Variants in CCNH observed in about 807,000 individuals in gnomAD.
CCNH encodes the protein cyclin-H.
CCNH carries 31 observed loss-of-function variants against 41.9 expected under a neutral mutation model. That is an observed-to-expected ratio of 0.74 (90% CI 0.56 to 1.00). The LOEUF is 1.00. Ranked by LOEUF, CCNH falls within the 50% of genes least tolerant of loss-of-function variation. The probability of loss-of-function intolerance (pLI) is 0.00; values close to 1 mark genes in which losing one functional copy is unlikely to be tolerated. For missense variants in CCNH, 362 were observed against 388.4 expected (o/e 0.93, Z 0.57); for synonymous variants, 138 against 136.1 (o/e 1.01, Z -0.10).
chr5:87,408,288 T>C (rs1040598211), intron 3 of CCNH, 102 bp from the exon 4 acceptor site: 6 of 563,440 alleles, frequency 1.1e-5, no homozygotes, highest in African/African-American at 5.7e-5. Context: ...TAAAAGTATA[T>C]TCTATAATTG....
At chr5:87,388,378 A>G (rs1463641559), downstream of CCNH, among the ~76,000 whole-genome samples, 2 of 152,214 alleles carry the variant, frequency 1.3e-5, no homozygotes, top group African/African-American at 2.4e-5. Context: ...ACTGGCATTT[A>G]GTGTCGATAA....
At chr5:87,386,793 T>C (rs1300670161), downstream of CCNH, 5 of 1,579,220 alleles carry the variant, frequency 3.2e-6, no homozygotes, top group African/African-American at 6.7e-5. Context: ...GGTTTGTTTC[T>C]GGTGCATATA....
At chr5:87,330,649 A>T (rs1465834454) in intron 9 of CCNH, among the ~76,000 whole-genome samples, 1 of 152,218 alleles carries the variant, frequency 6.6e-6, no homozygotes, top group African/African-American at 2.4e-5. Context: ...CAGTTTCTTA[A>T]GTAGATCATT....
At chr5:87,374,438 A>G, downstream of CCNH, 1 of 507,426 alleles carries the variant, frequency 2.0e-6, no homozygotes. Flanking sequence ...AGGTGTTCTA[A>G]TAGCATATAT....
At chr5:87,365,208 G>A (rs949013653) in intron 9 of CCNH, among the ~76,000 whole-genome samples, 5 of 152,068 alleles carry the variant, frequency 3.3e-5, no homozygotes, top group African/African-American at 1.2e-4. Flanking sequence ...GATACTAGTG[G>A]TTGTAAAATC....
At chr5:87,412,646 G>A (rs377170356) in intron 1 of CCNH, 32 bp downstream of exon 1, 3 of 1,610,670 alleles carry the variant, frequency 1.9e-6, no homozygotes, top group Non-Finnish European at 2.5e-6. Context: ...TTTAGTGACC[G>A]GGCAACTGGG....
At chr5:87,412,491 A>AT (rs1465622300) in intron 1 of CCNH, 187 bp downstream of exon 1, 11 of 1,424,424 alleles carry the variant, frequency 7.7e-6, no homozygotes, top group East Asian at 5.1e-5. Context: ...GACGACGGGG[A>AT]TGGCGTTGTT....
At chr5:87,312,294 G>C in the CCNH span, among the ~76,000 whole-genome samples, 1 of 152,242 alleles carries the variant, frequency 6.6e-6, no homozygotes, top group South Asian at 2.1e-4. Context: ...AAACAGATAA[G>C]GAAATCTGTC....
rs1434889435 is a variant in CCNH at position 87,412,833 on chromosome 5, G to A, written c.-39C>T. 1.3e-6 allele frequency: 2 copies of A among 1,598,134 alleles called. No homozygotes were observed. The highest frequency in any genetic ancestry group is 2.2e-5 in the South Asian group (2 of 90,752). On this transcript the variant is annotated 5_prime_UTR_variant, in exon 1 of 9. Transcript: ENST00000256897. ...CCAGGTCCAGAGGGTCTGCAGACGA[G>A]AACCCAAACGCATCAGCGTCCTGGC...
At chr5:87,395,323 T>G (rs1762864798) in intron 7 of CCNH, among the ~76,000 whole-genome samples, 2 of 152,192 alleles carry the variant, frequency 1.3e-5, no homozygotes, top group Admixed American at 1.3e-4. Flanking sequence ...AATAAAATTT[T>G]TCATGGAATT....
Position 87,404,915 on chromosome 5 carries a change from T to C in CCNH, c.618A>G (p.Leu206=), listed in dbSNP as rs371992867. ...TCAGGGCAATTTGGGAAGGTGTGTA[T>C]AAAAGGTAAGCATCCGTCAATGCAA... ...NRIALTDAYL[L]YTPSQIALTA... Residue 206 remains leucine, a synonymous_variant, in exon 5 of 9, where the codon TTA becomes TTG. Coordinates refer to ENST00000256897, the MANE Select transcript of CCNH (RefSeq NM_001239.4). The C allele has an allele frequency of 5.6e-6, 9 of 1,613,472 alleles. No individual in the cohort carries two copies. The highest frequency in any genetic ancestry group is 1.7e-5 in the Admixed American group (1 of 59,956).
At chr5:87,378,390 G>A (rs1423456816), upstream of CCNH, 36 of 1,612,536 alleles carry the variant, frequency 2.2e-5, no homozygotes, top group Non-Finnish European at 3.1e-5. Flanking sequence ...GTAAATATTT[G>A]TGTAGATGAA....
At chr5:87,399,316 C>T in intron 7 of CCNH, 78 bp downstream of exon 7, 1 of 1,028,274 alleles carries the variant, frequency 9.7e-7, no homozygotes, top group Non-Finnish European at 1.5e-6. Flanking sequence ...AATGAGCAAA[C>T]ACCAATAAAA....
At chr5:87,392,107 G>T, downstream of CCNH, 1 of 362,444 alleles carries the variant, frequency 2.8e-6, no homozygotes, top group Non-Finnish European at 5.4e-6. Flanking sequence ...TCTCATAATT[G>T]TGCAGGGCAG....
the CCNH span, among the ~76,000 whole-genome samples, chr5:87,312,287 C>G: frequency 6.6e-6 from 1 of 152,154 alleles, no homozygotes; most frequent in African/African-American, 2.4e-5. Context: ...AATGCAGAAA[C>G]AGATAAGGAA....
chr5:87,403,480 C>T (rs1763564177), intron 5 of CCNH, among the ~76,000 whole-genome samples: 1 of 152,090 alleles, frequency 6.6e-6, no homozygotes, highest in Non-Finnish European at 1.5e-5. Context: ...TGTTCCCTTA[C>T]AGAATGAAGT....
intron 9 of CCNH, among the ~76,000 whole-genome samples, chr5:87,335,511 C>T (rs535795262): frequency 4.0e-5 from 6 of 149,974 alleles, no homozygotes; most frequent in African/African-American, 1.2e-4. Context: ...CTGCAACCTC[C>T]GCCACCTGGG....
intron 9 of CCNH, among the ~76,000 whole-genome samples, chr5:87,335,419 G>GTTTTTT (rs34986349): frequency 1.7e-3 from 121 of 72,928 alleles, no homozygotes; most frequent in Non-Finnish European, 2.1e-3. Flanking sequence ...AAAGAATGAG[G>GTTTTTT]TTTTTTTTTT....
At chr5:87,313,942 C>T (rs1182376345), downstream of CCNH, among the ~76,000 whole-genome samples, 6 of 151,950 alleles carry the variant, frequency 3.9e-5, no homozygotes, top group Admixed American at 1.3e-4. Flanking sequence ...CTGAGGTGGG[C>T]GGATCACCTG....
Sources: allele counts gnomAD v4.1 joint callset (sites outside exome capture counted in the v4.1 genomes callset), GRCh38; gene constraint gnomAD v4.1.1; transcripts MANE v1.5; gene names NCBI Gene and HGNC (gene_info 2026-07-23, HGNC 2026-07-21).